Variants in ZBTB14 observed in about 807,000 individuals in gnomAD.
The protein encoded by ZBTB14 is zinc finger and BTB domain-containing protein 14.
In ZBTB14, 8 loss-of-function variants were observed where a neutral mutation model predicts 29.5. The observed-to-expected ratio is 0.27, with a 90% CI of 0.16 to 0.49. The LOEUF (loss-of-function observed/expected upper bound fraction) is 0.49, where lower values mean the gene tolerates loss of function less well. ZBTB14 is among the 20% of genes least tolerant of loss of function. The pLI is 0.99. For missense variants in ZBTB14, 333 were observed against 563.8 expected, an observed-to-expected ratio of 0.59 and a Z score of 4.15; for synonymous variants, 226 against 207.2, an observed-to-expected ratio of 1.09 and a Z score of -0.78.
chr18:5,296,355 G>A (rs1458964006), upstream of ZBTB14, among the ~76,000 whole-genome samples: 2 of 150,180 alleles, frequency 1.3e-5, no homozygotes, highest in East Asian at 4.0e-4. Context: ...CACCCGCCCC[G>A]CCTCAAGCTC....
In ZBTB14 at chr18:5,295,532, A is replaced by AGCGC. The variant is rs911156842; in HGVS notation, c.-112+116_-112+119dup. The AGCGC allele has an allele frequency of 5.0e-3, 711 of 142,498 alleles. 10 individuals are homozygous for AGCGC. The highest frequency in any genetic ancestry group is 0.016 in the African/African-American group (647 of 39,734). The allele number at this position is 142,498 out of a possible 1,614,324, so 8.8% of individuals were successfully genotyped here. ...TGAACTCGGCCGCCGAGGCTCTGCGAGCGCGCGCGCGGGGCCGCCGCCGCC... is the reference window on the plus strand; with the variant it reads ...TGAACTCGGCCGCCGAGGCTCTGCGAGCGCGCGCGCGCGCGGGGCCGCCGCCGCC... On this transcript the variant is annotated intron_variant, in intron 1 of 3. Coordinates refer to ENST00000651870, the MANE Select transcript of ZBTB14 (RefSeq NM_001243702.2).
In ZBTB14 at chr18:5,295,389, G is replaced by A. The variant is rs933893961; in HGVS notation, c.-112+263C>T. ...CCCTCCTCCGCCGGCGGCTGTAGGC[G>A]GCGCGGCGGGGCCCGCGGCTCGGAG... On this transcript the variant is annotated intron_variant, in intron 1 of 3. Coordinates refer to ENST00000651870, the MANE Select transcript of ZBTB14 (RefSeq NM_001243702.2). 3.5e-5 allele frequency among the ~76,000 whole-genome samples: 5 copies of A among 143,404 alleles called. No individual in the cohort carries two copies. In the East Asian group the frequency reaches 6.2e-4, roughly 18 times the overall value. 94.1% of individuals were successfully genotyped at this position (143,404 alleles called of 152,430 possible). A position where few individuals can be genotyped will look rare whatever the true frequency, so the allele number is the denominator to read the frequency against.
chr18:5,295,358 C>T (rs969397897), intron 1 of ZBTB14, among the ~76,000 whole-genome samples: 9 of 143,348 alleles, frequency 6.3e-5, no homozygotes, highest in African/African-American at 2.3e-4. Flanking sequence ...GCGCTGGGTC[C>T]CGGCCCCCTC....
rs376988579 is a variant in ZBTB14 at position 5,291,515 on chromosome 18, C to T, written c.693G>A (p.Leu231=). The T allele has an allele frequency of 6.2e-7, 1 of 1,614,036 alleles. No homozygotes were observed. Among genetic ancestry groups the T allele is most frequent in the African/African-American group, 1.3e-5 (1 of 74,908 alleles). Residue 231 remains leucine, a synonymous_variant, in exon 4 of 4, where the codon TTG becomes TTA. Coordinates refer to ENST00000651870, the MANE Select transcript of ZBTB14 (RefSeq NM_001243702.2). This position sits in a 1 kb window ranked among gnomAD's most constrained non-coding sequence, Gnocchi z 5.8. ...ESMETPESKD[L]GSQTPQALTF... ...TTAAGGCTTGAGGGGTCTGGGACCC[C>T]AAGTCTTTTGATTCTGGGGTCTCCA...
rs1316781846 is a variant in ZBTB14 at position 5,290,333 on chromosome 18, A to G, written c.*525T>C. 1.3e-5 allele frequency: 2 copies of G among 152,688 alleles called. No homozygotes were observed. Among genetic ancestry groups the G allele is most frequent in the African/African-American group, 4.8e-5 (2 of 41,428 alleles). 9.5% of individuals were successfully genotyped at this position (152,688 alleles called of 1,614,324 possible). On this transcript the variant is annotated 3_prime_UTR_variant, in exon 4 of 4. Transcript: ENST00000651870. ...AATTAACAAACCAAATATAAATCTAACGCCATTCTGCATTTCCAGAACTTT... is the reference window on the plus strand; with the variant it reads ...AATTAACAAACCAAATATAAATCTAGCGCCATTCTGCATTTCCAGAACTTT...
chr18:5,295,368 C>T (rs1032396603), intron 1 of ZBTB14, among the ~76,000 whole-genome samples: 510 of 144,976 alleles, frequency 3.5e-3, no homozygotes, highest in African/African-American at 0.012. Context: ...CCGGCCCCCT[C>T]CTCCGCCGGC....
chr18:5,290,880 AGCT>A lies in ZBTB14; in HGVS notation c.1325_1327del (p.Gln442del), dbSNP rs1214050156. 2 of 1,614,196 alleles carry A rather than the reference AGCT, an allele frequency of 1.2e-6. No individual in the cohort carries two copies. Among genetic ancestry groups the A allele is most frequent in the South Asian group, 2.2e-5 (2 of 91,088 alleles). ...CCTCTAGCTACAGGCTATCGTCTCC[AGCT>A]GCTGTTCTGCTTCCGCAGCCATCGC... On this transcript the variant is annotated inframe_deletion, in exon 4 of 4. Coordinates refer to ENST00000651870, the MANE Select transcript of ZBTB14 (RefSeq NM_001243702.2).
intron 3 of ZBTB14, among the ~76,000 whole-genome samples, chr18:5,292,495 C>T (rs562302873): frequency 1.1e-3 from 164 of 152,294 alleles, no homozygotes; most frequent in African/African-American, 3.7e-3. Context: ...CTCATGAGTA[C>T]GTATCACTAT....
In ZBTB14 at chr18:5,291,071, A is replaced by G. The variant is rs755299659; in HGVS notation, c.1137T>C (p.His379=). Residue 379 remains histidine (H), a synonymous_variant, in exon 4 of 4, where the codon CAT becomes CAC. Coordinates refer to ENST00000651870, the MANE Select transcript of ZBTB14 (RefSeq NM_001243702.2). The surrounding 1 kb of genome is among the most constrained non-coding windows in gnomAD (Gnocchi z 5.8). The part of the protein sequence containing the change: ...AFKHKSHLKD[H]ERRHRGEKPF... Reference sequence around the variant, plus strand: ...GCTTTTCCCCTCTGTGTCTTCTTTCATGATCCTTGAGGTGAGACTTGTGTT... The same window carrying G: ...GCTTTTCCCCTCTGTGTCTTCTTTCGTGATCCTTGAGGTGAGACTTGTGTT... The G allele has an allele frequency of 1.2e-6, 2 of 1,614,236 alleles. No homozygotes were observed. The highest frequency in any genetic ancestry group is 1.7e-6 in the Non-Finnish European group (2 of 1,180,046).
At chr18:5,296,252 G>GGCGCGCGGAGCCC (rs986188587), upstream of ZBTB14, 3 of 150,360 alleles carry the variant, frequency 2.0e-5, no homozygotes, top group East Asian at 2.0e-4. Flanking sequence ...CGCGGCTTGG[G>GGCGCGCGGAGCCC]GCGCGCGGAG....
Position 5,291,374 on chromosome 18 carries a change from G to A in ZBTB14, c.834C>T (p.Ala278=). 1 of 1,614,224 alleles carries A rather than the reference G, an allele frequency of 6.2e-7. No individual in the cohort carries two copies. The highest frequency in any genetic ancestry group is 8.5e-7 in the Non-Finnish European group (1 of 1,180,052). The part of the protein sequence containing the change: ...LLYGHHREQI[A]CQACGKTFSD... ...AAAACGTCTTCCCACACGCCTGGCA[G>A]GCAATCTGCTCCCGATGGTGACCAT... is the stretch of plus-strand genomic sequence containing the variant. The change falls in exon 4 of 4, where the codon GCC becomes GCT. Residue 278 remains alanine (A), a synonymous_variant. Coordinates refer to ENST00000651870, the MANE Select transcript of ZBTB14 (RefSeq NM_001243702.2). The surrounding 1 kb of genome is among the most constrained non-coding windows in gnomAD (Gnocchi z 5.8).
In ZBTB14 at chr18:5,290,752, A is replaced by G. The variant is rs774881317; in HGVS notation, c.*106T>C. ...CACTGCCTTAAGTCCAGTGAGTACA[A>G]TGTTCCATACGTTTCCACAAAAATA... On this transcript the variant is annotated 3_prime_UTR_variant, in exon 4 of 4. Transcript: ENST00000651870. 3 of 1,501,128 alleles carry G rather than the reference A, an allele frequency of 2.0e-6. No homozygotes were observed. Among genetic ancestry groups the G allele is most frequent in the Non-Finnish European group, 1.8e-6 (2 of 1,118,220 alleles). The allele number at this position is 1,501,128 out of a possible 1,614,324, so 93.0% of individuals were successfully genotyped here.
In ZBTB14 at chr18:5,292,117, G is replaced by A. The variant is rs2071829094; in HGVS notation, c.91C>T (p.Leu31=). Residue 31 remains leucine, a synonymous_variant, in exon 4 of 4, where the codon CTG becomes TTG. Transcript: ENST00000651870. ...GCAATATCACAAAATTCTCCTTCCA[G>A]GCGTTGTTCATTTAGTGTTTTCAGA... ...LFLKTLNEQR[L]EGEFCDIAIV... 1.2e-6 allele frequency: 2 copies of A among 1,604,300 alleles called. No individual in the cohort carries two copies. Among genetic ancestry groups the A allele is most frequent in the East Asian group, 2.2e-5 (1 of 44,868 alleles).
intron 2 of ZBTB14, chr18:5,293,637 T>C: frequency 5.5e-6 from 1 of 180,952 alleles, no homozygotes; most frequent in Non-Finnish European, 1.2e-5. Context: ...CAGAGATTGA[T>C]GGCTACACAG....
At chr18:5,296,419 G>A (rs2071969161), upstream of ZBTB14, among the ~76,000 whole-genome samples, 3 of 149,998 alleles carry the variant, frequency 2.0e-5, no homozygotes, top group Admixed American at 2.0e-4. Flanking sequence ...GCGCAGCGCC[G>A]GGGACGCGGG....
At chr18:5,296,004 C>T (rs1386522576), upstream of ZBTB14, 1 of 151,782 alleles carries the variant, frequency 6.6e-6, no homozygotes, top group African/African-American at 2.4e-5. Context: ...AGCCCTCCTC[C>T]TGCACGAGCA....
At chr18:5,295,095 C>A (rs1390479962) in intron 1 of ZBTB14, among the ~76,000 whole-genome samples, 1 of 150,822 alleles carries the variant, frequency 6.6e-6, no homozygotes, top group Admixed American at 6.6e-5. Context: ...GGCTTGGGAC[C>A]GCGGCTCGGA....
intron 3 of ZBTB14, 58 bp from the exon 4 acceptor site, chr18:5,292,262 C>T: frequency 7.6e-7 from 1 of 1,310,512 alleles, no homozygotes; most frequent in South Asian, 1.6e-5. Context: ...ATAGAGAACA[C>T]AGTCACATTT....
upstream of ZBTB14, among the ~76,000 whole-genome samples, chr18:5,296,533 G>C (rs548257804): frequency 2.6e-5 from 4 of 151,770 alleles, no homozygotes; most frequent in East Asian, 7.9e-4. Flanking sequence ...CTCGGAGCGG[G>C]CGCCCCGGCC....
Sources: gnomAD v4.1 joint callset for allele counts (sites outside exome capture counted in the v4.1 genomes callset) on GRCh38, gnomAD v4.1.1 for gene constraint, Gnocchi (gnomAD v3.1) non-coding constraint, MANE v1.5 for transcripts, NCBI Gene and HGNC (gene_info 2026-07-23, HGNC 2026-07-21) for gene names.